The following CREB5 variants were observed in gnomAD, a reference collection of about 807,000 sequenced individuals.
CREB5 encodes the protein cAMP responsive element binding protein 5, also known as cyclic AMP-responsive element-binding protein 5.
In CREB5, 19 loss-of-function variants were observed where a neutral mutation model predicts 57.1. That is an observed-to-expected ratio of 0.33 (90% confidence interval 0.23 to 0.49). The LOEUF (loss-of-function observed/expected upper bound fraction) is 0.49. Among genes scored for constraint, CREB5 ranks in the 20% least tolerant of loss-of-function variants. CREB5 has a pLI of 0.99. For synonymous variants in CREB5, 238 were observed against 238.3 expected, an observed-to-expected ratio of 1.00 and a Z score of 0.01; for missense variants, 579 against 671.6, an observed-to-expected ratio of 0.86 and a Z score of 1.52.
intron 1 of CREB5, among the ~76,000 whole-genome samples, chr7:28,443,969 A>G (rs967755022): frequency 6.6e-6 from 1 of 152,208 alleles, no homozygotes; most frequent in Non-Finnish European, 1.5e-5. Context: ...TTAGTAGCAC[A>G]TAGAAGACAG....
At chr7:28,778,042 C>CAAA (rs1806761837) in intron 7 of CREB5, among the ~76,000 whole-genome samples, 1 of 152,152 alleles carries the variant, frequency 6.6e-6, no homozygotes, top group Non-Finnish European at 1.5e-5. Context: ...ATTTATTGAT[C>CAAA]TTTTCCATAT....
At chr7:28,520,973 G>GT (rs1562771932) in intron 4 of CREB5, among the ~76,000 whole-genome samples, 1 of 152,186 alleles carries the variant, frequency 6.6e-6, no homozygotes, top group Non-Finnish European at 1.5e-5. Flanking sequence ...ATAAGACAGG[G>GT]TTTTTTTCTC....
At chr7:28,514,128 A>C (rs1392120746) in intron 4 of CREB5, among the ~76,000 whole-genome samples, 2 of 152,150 alleles carry the variant, frequency 1.3e-5, no homozygotes, top group African/African-American at 4.8e-5. Flanking sequence ...GGTTATTTGG[A>C]TCTTAATTGA....
intron 4 of CREB5, among the ~76,000 whole-genome samples, chr7:28,511,935 T>C (rs1485002175): frequency 6.6e-6 from 1 of 152,186 alleles, no homozygotes; most frequent in Non-Finnish European, 1.5e-5. Context: ...TTAGAGATGA[T>C]AGCAGGTTGG....
At chr7:28,630,600 C>G (rs992179364) in intron 5 of CREB5, among the ~76,000 whole-genome samples, 23 of 152,150 alleles carry the variant, frequency 1.5e-4, no homozygotes, top group African/African-American at 5.6e-4. Flanking sequence ...CTGCTCAAAA[C>G]TATAGCAACA....
chr7:28,355,247 G>A (rs1786317119), intron 1 of CREB5, among the ~76,000 whole-genome samples: 1 of 152,202 alleles, frequency 6.6e-6, no homozygotes, highest in Admixed American at 6.5e-5. Flanking sequence ...TGGGATGAAA[G>A]CGTGCATGTG....
intron 4 of CREB5, among the ~76,000 whole-genome samples, chr7:28,524,982 C>T (rs1562774489): frequency 7.0e-6 from 1 of 143,506 alleles, no homozygotes; most frequent in Non-Finnish European, 1.5e-5. Flanking sequence ...CCCCGAACCC[C>T]ACCCCCGACC....
chr7:28,560,843 T>TGCGCGC (rs71842927), intron 4 of CREB5, among the ~76,000 whole-genome samples: 4 of 76,366 alleles, frequency 5.2e-5, no homozygotes, highest in African/African-American at 1.5e-4. Flanking sequence ...CGTGTGTGTG[T>TGCGCGC]GCGCGTGTGT....
At chr7:28,749,332 G>A (rs574764105) in intron 7 of CREB5, 72 of 152,314 alleles carry the variant, frequency 4.7e-4, no homozygotes, top group African/African-American at 1.6e-3. Context: ...CTGCAGCAGT[G>A]GGGAAAGGGC....
chr7:28,579,734 C>G (rs941102028), intron 5 of CREB5, among the ~76,000 whole-genome samples: 1 of 152,170 alleles, frequency 6.6e-6, no homozygotes, highest in African/African-American at 2.4e-5. Context: ...TATTTTTAGT[C>G]TATGGAATGC....
intron 4 of CREB5, 61 bp downstream of exon 4, chr7:28,507,798 T>C: frequency 6.5e-7 from 1 of 1,544,076 alleles, no homozygotes; most frequent in South Asian, 1.2e-5. Flanking sequence ...ACGAGGAAAC[T>C]AGGTGGCACT....
chr7:28,445,628 T>C (rs979555395), intron 1 of CREB5, among the ~76,000 whole-genome samples: 1 of 151,978 alleles, frequency 6.6e-6, no homozygotes, highest in African/African-American at 2.4e-5. Context: ...CTCGGCTCAC[T>C]GCAAGCTCCG....
chr7:28,524,316 A>AACACACACACACACACACACAC (rs4000595), intron 4 of CREB5, among the ~76,000 whole-genome samples: 1 of 136,574 alleles, frequency 7.3e-6, no homozygotes, highest in East Asian at 2.2e-4. Context: ...GCCTCTACTA[A>AACACACACACACACACACACAC]ACACACACAC....
intron 1 of CREB5, among the ~76,000 whole-genome samples, chr7:28,349,909 G>A (rs894524664): frequency 1.3e-5 from 2 of 152,200 alleles, no homozygotes; most frequent in African/African-American, 4.8e-5. Flanking sequence ...TGTGGAAAAG[G>A]TGATGTGATG....
At chr7:28,302,289 C>T (rs182346056) in intron 1 of CREB5, among the ~76,000 whole-genome samples, 1 of 152,266 alleles carries the variant, frequency 6.6e-6, no homozygotes, top group African/African-American at 2.4e-5. Context: ...ACTGAGAAGA[C>T]ATACCCATGT....
At chr7:28,557,127 GT>G (rs1794912000) in intron 4 of CREB5, among the ~76,000 whole-genome samples, 1 of 147,814 alleles carries the variant, frequency 6.8e-6, no homozygotes, top group Admixed American at 6.7e-5. Context: ...ACATTACCCA[GT>G]TTGAAGGTAC....
At chr7:28,320,851 A>T (rs113243948) in intron 1 of CREB5, among the ~76,000 whole-genome samples, 31 of 152,370 alleles carry the variant, frequency 2.0e-4, no homozygotes, top group African/African-American at 7.2e-4. Flanking sequence ...AGCAAAGTGG[A>T]TACATATTCT....
chr7:28,777,159 A>G (rs1281506418), intron 7 of CREB5, among the ~76,000 whole-genome samples: 1 of 152,210 alleles, frequency 6.6e-6, no homozygotes, highest in Non-Finnish European at 1.5e-5. Context: ...TACACAGTAG[A>G]TTCTTACAAG....
At chr7:28,486,916 C>A (rs921676799) in intron 1 of CREB5, among the ~76,000 whole-genome samples, 5 of 151,212 alleles carry the variant, frequency 3.3e-5, no homozygotes, top group African/African-American at 1.2e-4. Context: ...ACCAGCCTGG[C>A]AATACAGCAA....
Sources: gnomAD v4.1 joint callset for allele counts (sites outside exome capture counted in the v4.1 genomes callset) on GRCh38, gnomAD v4.1.1 for gene constraint, MANE v1.5 for transcripts, NCBI Gene and HGNC (gene_info 2026-07-23, HGNC 2026-07-21) for gene names.